The following ZNF208 variants were observed in gnomAD, a reference collection of about 807,000 sequenced individuals.
ZNF208 encodes zinc finger protein 95.
A neutral mutation model predicts 12.1 loss-of-function variants in ZNF208; 10 were observed. The observed-to-expected ratio is 0.83, with a 90% confidence interval of 0.51 to 1.40. The LOEUF is 1.40. ZNF208 is among the 40% of genes most tolerant of loss of function. The pLI, the probability that ZNF208 is intolerant of heterozygous loss-of-function variation, is 0.00. For synonymous variants in ZNF208, 497 were observed against 488.4 expected (o/e 1.02, Z -0.23); for missense variants, 1,652 against 1,485.0 (o/e 1.11, Z -1.85).
At chr19:21,947,210 C>T (rs1175313460) in intron 4 of ZNF208, among the ~76,000 whole-genome samples, 1 of 152,104 alleles carries the variant, frequency 6.6e-6, no homozygotes, top group East Asian at 1.9e-4. Context: ...CAGTAATAAA[C>T]ATTCATGGCA....
At chr19:21,957,819 T>A (rs2522106) in intron 4 of ZNF208, among the ~76,000 whole-genome samples, 84,279 of 151,420 alleles carry the variant, frequency 0.56, 23,664 homozygotes, top group East Asian at 0.69. Context: ...AGCTTTTTTT[T>A]AAATTTTATT....
rs554737451 is a variant in ZNF208, at chr19:21,988,060, T to G, written c.130+723A>C. ...TAAATATTTAGAAAATTCTCTAATT[T>G]TGTAGGTTCTTAATTTTATCACCTA... On this transcript the variant is annotated intron_variant, in intron 2 of 3. Coordinates refer to ENST00000397126, the MANE Select transcript of ZNF208 (RefSeq NM_007153.3). 2.0e-5 allele frequency among the ~76,000 whole-genome samples: 3 copies of G among 152,196 alleles called. No individual in the cohort carries two copies. In the South Asian group the frequency reaches 6.2e-4, roughly 32 times the overall value.
downstream of ZNF208, among the ~76,000 whole-genome samples, chr19:21,962,429 CA>C (rs1022350904): frequency 1.3e-5 from 2 of 151,702 alleles, no homozygotes; most frequent in African/African-American, 2.4e-5. Context: ...TTTTATATTT[CA>C]AAAAAAGAAC....
downstream of ZNF208, among the ~76,000 whole-genome samples, chr19:21,961,984 G>T (rs572179434): frequency 4.3e-4 from 65 of 152,222 alleles, no homozygotes; most frequent in African/African-American, 1.5e-3. Context: ...AAGATAACAG[G>T]ATTAAGAGAT....
At position 21,974,135 on chromosome 19, in the gene ZNF208, A is replaced by G; in HGVS notation, c.899T>C (p.Leu300Pro). Residue 300 changes from leucine (L) to proline (P), a missense_variant, in exon 4 of 4, where the codon CTT (leucine) becomes CCT (proline). By Grantham distance (98) the Leu-to-Pro change is moderately conservative. Transcript: ENST00000397126. ...AGCATGAATTGCCTTATGTGTAGTAAGAGTCGAGACCTTACTAAAGGCTTT... is the reference window on the plus strand; with the variant it reads ...AGCATGAATTGCCTTATGTGTAGTAGGAGTCGAGACCTTACTAAAGGCTTT... ...CGKAFSKVST[L>P]TTHKAIHAGE... 1 of 1,609,916 alleles carries G rather than the reference A, an allele frequency of 6.2e-7. No individual in the cohort carries two copies. The highest frequency in any genetic ancestry group is 8.5e-7 in the Non-Finnish European group (1 of 1,178,210).
At chr19:21,965,636 T>C (rs1970149403), downstream of ZNF208, 1 of 152,090 alleles carries the variant, frequency 6.6e-6, no homozygotes, top group African/African-American at 2.4e-5. Context: ...GGAATGAGCA[T>C]TTGCAGCACT....
chr19:21,976,132 T>C (rs1281397749), intron 3 of ZNF208, among the ~76,000 whole-genome samples: 5 of 152,160 alleles, frequency 3.3e-5, no homozygotes, highest in Non-Finnish European at 7.4e-5. Context: ...TTAATTATTC[T>C]CTAACATTTA....
intron 4 of ZNF208, among the ~76,000 whole-genome samples, chr19:21,956,646 G>A (rs1286987331): frequency 2.0e-5 from 3 of 152,168 alleles, no homozygotes; most frequent in East Asian, 3.9e-4. Flanking sequence ...TCAGGTACTG[G>A]ATATAATCTC....
rs1340396388 is a variant in ZNF208 at position 21,970,647 on chromosome 19, G to GT, written c.*543dup. The GT allele has an allele frequency of 2.9e-6, 3 of 1,017,796 alleles. No homozygotes were observed. In the African/African-American group the frequency reaches 4.7e-5, roughly 16 times the overall value. 63.0% of individuals were successfully genotyped at this position (1,017,796 alleles called of 1,614,324 possible). On this transcript the variant is annotated 3_prime_UTR_variant, in exon 4 of 4. Transcript: ENST00000397126. Reference sequence around the variant, plus strand: ...TATGAATTCTCTTATGTTCCATAAGGTTTGAGGACTGGTTGAAGCCTTTGC... The same window carrying GT: ...TATGAATTCTCTTATGTTCCATAAGGTTTTGAGGACTGGTTGAAGCCTTTGC...
chr19:21,972,978 T>A lies in ZNF208; in HGVS notation c.2056A>T (p.Ile686Phe). ...TTGTAGGGTTTCTCTCCAGTATGAA[T>A]TACCTTATGTTTAGTAAGGATTGAG... is the stretch of plus-strand genomic sequence containing the variant. Reference protein sequence around the residue: ...KFSILTKHKVIHTGEKPYKCE... With the variant: ...KFSILTKHKVFHTGEKPYKCE... The change falls in exon 4 of 4, where the codon ATT becomes TTT. Residue 686 changes from isoleucine to phenylalanine, a missense_variant. Ile to Phe is a conservative substitution (Grantham distance 21). Around this residue, in one of 3 missense-constraint regions of ZNF208, gnomAD observed 1,239 missense variants for 1,086.2 expected, o/e 1.14. Coordinates refer to ENST00000397126, the MANE Select transcript of ZNF208 (RefSeq NM_007153.3). The A allele has an allele frequency of 4.3e-6, 7 of 1,613,804 alleles. No homozygotes were observed. The highest frequency in any genetic ancestry group is 5.9e-6 in the Non-Finnish European group (7 of 1,179,908).
chr19:21,952,216 G>T (rs1042332059), intron 4 of ZNF208, among the ~76,000 whole-genome samples: 1 of 152,224 alleles, frequency 6.6e-6, no homozygotes, highest in Non-Finnish European at 1.5e-5. Context: ...AACTTTGTGA[G>T]CAAGGCATAG....
intron 4 of ZNF208, among the ~76,000 whole-genome samples, chr19:21,953,916 A>C (rs1205496923): frequency 6.6e-6 from 1 of 151,946 alleles, no homozygotes; most frequent in Non-Finnish European, 1.5e-5. Context: ...AGTTCTTTTA[A>C]TTGTGATTGT....
Position 21,966,136 on chromosome 19 carries a change from G to C in ZNF208, c.*5055C>G, listed in dbSNP as rs1247297364. ...TTTATTATTTTTATTTTATATTTAA[G>C]GTACATGTGCAGATTTGTAAAACAG... is the stretch of plus-strand genomic sequence containing the variant. On this transcript the variant is annotated 3_prime_UTR_variant, in exon 4 of 4. Coordinates refer to ENST00000397126, the MANE Select transcript of ZNF208 (RefSeq NM_007153.3). 1 of 151,940 alleles carries C rather than the reference G, an allele frequency of 6.6e-6. No homozygotes were observed. The highest frequency in any genetic ancestry group is 6.6e-5 in the Admixed American group (1 of 15,228). The allele number at this position is 151,940 out of a possible 1,614,324, so 9.4% of individuals were successfully genotyped here.
At position 21,995,640 on chromosome 19, in the gene ZNF208, G is replaced by A. The variant is rs73930362; in HGVS notation, c.4-6731C>T. Among the ~76,000 whole-genome samples the A allele has an allele frequency of 7.9e-3, 1,196 of 152,238 alleles. 14 individuals carry two copies. The highest frequency in any genetic ancestry group is 0.026 in the African/African-American group (1,101 of 41,550). ...CTACTTTGGCTCAACTCCAGAATCC[G>A]GGTTGTCCGTCCTGATTTGCTAGCT... On this transcript the variant is annotated intron_variant, in intron 1 of 3. Transcript: ENST00000397126.
chr19:21,966,834 C>A lies in ZNF208; in HGVS notation c.*4357G>T, dbSNP rs1970179225. The A allele has an allele frequency of 6.6e-6, 1 of 152,134 alleles. No individual in the cohort carries two copies. The highest frequency in any genetic ancestry group is 2.4e-5 in the African/African-American group (1 of 41,444). 9.4% of individuals were successfully genotyped at this position (152,134 alleles called of 1,614,324 possible). ...AGTATCACACTGTCACTTTGATTTA[C>A]ATCTTTCTGATAATTAGGAACGTTG... On this transcript the variant is annotated 3_prime_UTR_variant, in exon 4 of 4. Transcript: ENST00000397126.
chr19:21,956,673 T>G (rs527751028), intron 4 of ZNF208, among the ~76,000 whole-genome samples: 1 of 152,336 alleles, frequency 6.6e-6, no homozygotes, highest in South Asian at 2.1e-4. Flanking sequence ...TGCCATTTGC[T>G]AAGACCATTG....
intron 1 of ZNF208, among the ~76,000 whole-genome samples, chr19:22,004,351 A>T (rs961265564): frequency 2.0e-5 from 3 of 152,074 alleles, no homozygotes; most frequent in African/African-American, 7.2e-5. Context: ...CCCCATCTAT[A>T]CTAAAAATAC....
chr19:21,963,491 C>T (rs931444816), downstream of ZNF208, among the ~76,000 whole-genome samples: 18 of 152,068 alleles, frequency 1.2e-4, no homozygotes, highest in African/African-American at 4.3e-4. Flanking sequence ...TTAGTATTCG[C>T]TCTGAGTCAC....
At chr19:21,945,102 A>C (rs1172903073) in intron 4 of ZNF208, among the ~76,000 whole-genome samples, 8 of 152,200 alleles carry the variant, frequency 5.3e-5, no homozygotes, top group Admixed American at 2.6e-4. Flanking sequence ...AAAAATGAAC[A>C]AGCATGTACA....
Sources: gnomAD v4.1 joint callset for allele counts (sites outside exome capture counted in the v4.1 genomes callset) on GRCh38, gnomAD v4.1.1 for gene constraint, gnomAD v4.1.1 regional missense constraint, MANE v1.5 for transcripts, NCBI Gene and HGNC (gene_info 2026-07-23, HGNC 2026-07-21) for gene names.